H6PD: variants seen among roughly 807,000 people sequenced by gnomAD.
H6PD encodes hexose-6-phosphate dehydrogenase/glucose 1-dehydrogenase.
A neutral mutation model predicts 61.2 loss-of-function variants in H6PD; 48 were observed. The ratio of observed to expected loss-of-function variants is 0.78; its 90% CI spans 0.62 to 1.00. H6PD has a LOEUF of 1.00. Ranked by LOEUF, H6PD falls within the 50% of genes least tolerant of loss-of-function variation. The pLI, the probability that H6PD is intolerant of heterozygous loss-of-function variation, is 0.00. For missense variants in H6PD, 1,093 were observed against 1,065.0 expected (o/e 1.03, Z -0.37); for synonymous variants, 480 against 457.9 (o/e 1.05, Z -0.62).
At chr1:9,263,411 A>AG in intron 4 of H6PD, 98 bp from the exon 5 acceptor site, 1 of 1,167,914 alleles carries the variant, frequency 8.6e-7, no homozygotes, top group Non-Finnish European at 1.3e-6. Flanking sequence ...TCCCTGAGGC[A>AG]GGGGGACGCC....
At position 9,264,563 on chromosome 1, in the gene H6PD, G is replaced by A; in HGVS notation, c.2070G>A (p.Leu690=). 1 of 1,613,334 alleles carries A rather than the reference G, an allele frequency of 6.2e-7. No homozygotes were observed. The highest frequency in any genetic ancestry group is 1.1e-5 in the South Asian group (1 of 91,082). ...CCAACAGCAGCTTCGACCTGGTGCT[G>A]CTGGGCATGGGTGCCGACGGGCACA... ...LVANSSFDLV[L]LGMGADGHTA... Residue 690 remains leucine, a synonymous_variant, in exon 5 of 5, where the codon CTG becomes CTA. Transcript: ENST00000377403.
At chr1:9,241,568 T>A (rs192339700) in intron 1 of H6PD, among the ~76,000 whole-genome samples, 16 of 152,244 alleles carry the variant, frequency 1.1e-4, no homozygotes, top group Admixed American at 2.0e-4. Flanking sequence ...AGCTAGTTTT[T>A]AAATATTTTT....
chr1:9,245,451 G>C lies in H6PD; in HGVS notation c.517G>C (p.Glu173Gln), dbSNP rs377601804. ...GGGCGCCTGGCTGCGGGTTGTCCTTGAGAAACCCTTTGGCCATGACCACTT... is the reference window on the plus strand; with the variant it reads ...GGGCGCCTGGCTGCGGGTTGTCCTTCAGAAACCCTTTGGCCATGACCACTT... ...GPGAWLRVVL[E>Q]KPFGHDHFSA... The change falls in exon 2 of 5, where the codon GAG becomes CAG. Residue 173 changes from glutamate to glutamine, a missense_variant. Transcript: ENST00000377403. This position sits in a 1 kb window ranked among gnomAD's most constrained non-coding sequence, Gnocchi z 4.8. 6.2e-7 allele frequency: 1 copy of C among 1,614,052 alleles called. No individual in the cohort carries two copies. Among genetic ancestry groups the C allele is most frequent in the African/African-American group, 1.3e-5 (1 of 74,934 alleles).
intron 3 of H6PD, among the ~76,000 whole-genome samples, chr1:9,247,895 C>T (rs1322957639): frequency 6.6e-6 from 1 of 152,248 alleles, no homozygotes; most frequent in East Asian, 1.9e-4. Context: ...AGATGTAAAG[C>T]ACTGGCTCTT....
chr1:9,256,586 A>G (rs752610682), intron 3 of H6PD, among the ~76,000 whole-genome samples: 2 of 152,202 alleles, frequency 1.3e-5, no homozygotes, highest in Non-Finnish European at 2.9e-5. Context: ...GACTGGCGCC[A>G]TGGACCCAGA....
At position 9,270,302 on chromosome 1, in the gene H6PD, A is replaced by G. The variant is rs1475160443; in HGVS notation, c.*5433A>G. On this transcript the variant is annotated 3_prime_UTR_variant, in exon 5 of 5. Transcript: ENST00000377403. ...ATTTGCTGAAAGCTGTATGGAGTAT[A>G]TTTGAACAGCTAGTAGTTAGCTTTG... The G allele has an allele frequency of 6.6e-6, 1 of 152,524 alleles. No individual in the cohort carries two copies. Among genetic ancestry groups the G allele is most frequent in the Non-Finnish European group, 1.5e-5 (1 of 68,042 alleles). The allele number at this position is 152,524 out of a possible 1,614,324, so 9.4% of individuals were successfully genotyped here. A position where few individuals can be genotyped will look rare whatever the true frequency, so the allele number is the denominator to read the frequency against.
intron 3 of H6PD, among the ~76,000 whole-genome samples, chr1:9,261,334 C>T (rs1638281960): frequency 6.6e-6 from 1 of 152,188 alleles, no homozygotes; most frequent in Non-Finnish European, 1.5e-5. Context: ...GCCCCCAGCA[C>T]ACCAAGTTCC....
intron 1 of H6PD, among the ~76,000 whole-genome samples, chr1:9,243,516 GTGA>G: frequency 6.6e-6 from 1 of 152,246 alleles, no homozygotes; most frequent in East Asian, 1.9e-4. Flanking sequence ...CATGCCGGCC[GTGA>G]TGACTTTCCC....
At chr1:9,236,175 G>A (rs1365929155) in intron 1 of H6PD, among the ~76,000 whole-genome samples, 1 of 152,046 alleles carries the variant, frequency 6.6e-6, no homozygotes, top group Non-Finnish European at 1.5e-5. Context: ...TTTTTTAGTA[G>A]AAACAGGGTT....
At chr1:9,236,015 G>A (rs1320942832) in intron 1 of H6PD, among the ~76,000 whole-genome samples, 1 of 152,152 alleles carries the variant, frequency 6.6e-6, no homozygotes, top group African/African-American at 2.4e-5. Flanking sequence ...TTCTGTGGTT[G>A]ATGGTTAGTT....
chr1:9,247,993 A>T (rs1166352285), intron 3 of H6PD, among the ~76,000 whole-genome samples: 1 of 152,186 alleles, frequency 6.6e-6, no homozygotes, highest in Non-Finnish European at 1.5e-5. Flanking sequence ...CTCCTTACAG[A>T]TGAAGATGGT....
intron 1 of H6PD, among the ~76,000 whole-genome samples, chr1:9,243,706 C>G (rs1276739435): frequency 6.6e-6 from 1 of 152,216 alleles, no homozygotes; most frequent in Non-Finnish European, 1.5e-5. Context: ...ACTTCTCATG[C>G]ATGTGAGTGC....
chr1:9,264,762 C>T lies in H6PD; in HGVS notation c.2269C>T (p.Leu757=), dbSNP rs748407026. ...CAGGATGAAGCGTGAGATCACCACG[C>T]TGGTGAGCCGGGTGGGCCATGAGCC... ...MGRMKREITT[L]VSRVGHEPKK... The change falls in exon 5 of 5, where the codon CTG becomes TTG. Residue 757 remains leucine (L), a synonymous_variant. Coordinates refer to ENST00000377403, the MANE Select transcript of H6PD (RefSeq NM_004285.4). 6.2e-7 allele frequency: 1 copy of T among 1,613,194 alleles called. No individual in the cohort carries two copies.
chr1:9,236,737 G>C (rs1337853277), intron 1 of H6PD, among the ~76,000 whole-genome samples: 1 of 150,726 alleles, frequency 6.6e-6, no homozygotes, highest in East Asian at 2.0e-4. Flanking sequence ...ATTGTGCTAA[G>C]TACCTTACAT....
chr1:9,235,649 T>C (rs1372287864), intron 1 of H6PD, among the ~76,000 whole-genome samples: 1 of 152,216 alleles, frequency 6.6e-6, no homozygotes, highest in Non-Finnish European at 1.5e-5. Context: ...CTTGCTTGGT[T>C]GCCCAGGCTG....
At position 9,263,788 on chromosome 1, in the gene H6PD, G is replaced by C; in HGVS notation, c.1295G>C (p.Gly432Ala). 1 of 1,613,956 alleles carries C rather than the reference G, an allele frequency of 6.2e-7. No homozygotes were observed. Among genetic ancestry groups the C allele is most frequent in the Non-Finnish European group, 8.5e-7 (1 of 1,180,036 alleles). The change falls in exon 5 of 5, where the codon GGA becomes GCA. Residue 432 changes from glycine to alanine, a missense_variant. Physicochemically the swap from Gly to Ala is moderately conservative, Grantham distance 60. Coordinates refer to ENST00000377403, the MANE Select transcript of H6PD (RefSeq NM_004285.4). Reference sequence around the variant, plus strand: ...CCCTCCAGCTGGAAGGAAATGGAGGGACCACCTGGGCTCCGCCTTTTCGGC... The same window carrying C: ...CCCTCCAGCTGGAAGGAAATGGAGGCACCACCTGGGCTCCGCCTTTTCGGC... ...SLPSSWKEME[G>A]PPGLRLFGSP... is the part of the protein sequence containing the mutation.
chr1:9,257,556 A>G (rs960569225), intron 3 of H6PD, among the ~76,000 whole-genome samples: 1 of 151,452 alleles, frequency 6.6e-6, no homozygotes, highest in African/African-American at 2.4e-5. Context: ...TCTGCTGTCC[A>G]CTGTCTGAAC....
rs756303135 is a variant in H6PD at position 9,245,349 on chromosome 1, A to G, written c.415A>G (p.Ile139Val). Reference sequence around the variant, plus strand: ...CGCAGGCCTCCGGGAGGCTGGCAGGATCTTCTACTTCTCAGTGCCACCCTT... The same window carrying G: ...CGCAGGCCTCCGGGAGGCTGGCAGGGTCTTCTACTTCTCAGTGCCACCCTT... The part of the protein sequence containing the change: ...QHAGLREAGR[I>V]FYFSVPPFAY... The change falls in exon 2 of 5, where the codon ATC (isoleucine) becomes GTC (valine). Residue 139 changes from isoleucine to valine, a missense_variant. Coordinates refer to ENST00000377403, the MANE Select transcript of H6PD (RefSeq NM_004285.4). The surrounding 1 kb of genome is among the most constrained non-coding windows in gnomAD (Gnocchi z 4.8). The G allele has an allele frequency of 6.2e-6, 10 of 1,613,974 alleles. No homozygotes were observed. The highest frequency in any genetic ancestry group is 7.6e-6 in the Non-Finnish European group (9 of 1,179,968).
intron 3 of H6PD, among the ~76,000 whole-genome samples, chr1:9,257,825 C>G (rs74606595): frequency 6.6e-6 from 1 of 152,192 alleles, no homozygotes. Context: ...GATGGCTCCT[C>G]GTGTCTGAGG....
Sources: gnomAD v4.1 joint callset for allele counts (sites outside exome capture counted in the v4.1 genomes callset) on GRCh38, gnomAD v4.1.1 for gene constraint, Gnocchi (gnomAD v3.1) non-coding constraint, MANE v1.5 for transcripts, NCBI Gene and HGNC (gene_info 2026-07-23, HGNC 2026-07-21) for gene names.